The following CWF19L1 variants were observed in gnomAD, a reference collection of about 807,000 sequenced individuals.
CWF19L1 encodes CWF19 like cell cycle control factor 1.
In CWF19L1, 60 loss-of-function variants were observed where a neutral mutation model predicts 69.7. The ratio of observed to expected loss-of-function variants is 0.86; its 90% CI spans 0.70 to 1.07. The LOEUF (loss-of-function observed/expected upper bound fraction) is 1.07, where lower values mean the gene tolerates loss of function less well. Among genes scored for constraint, CWF19L1 ranks in the 50% least tolerant of loss-of-function variants. The pLI is 0.00. For missense variants in CWF19L1, 591 were observed against 638.9 expected, an observed-to-expected ratio of 0.92 and a Z score of 0.81; for synonymous variants, 209 against 222.2, an observed-to-expected ratio of 0.94 and a Z score of 0.53.
intron 10 of CWF19L1, among the ~76,000 whole-genome samples, chr10:100,240,635 A>C (rs1297712641): frequency 6.6e-6 from 1 of 152,186 alleles, no homozygotes; most frequent in African/African-American, 2.4e-5. Flanking sequence ...TAGAAAGATG[A>C]ATGGAAAAGA....
chr10:100,267,356 G>A, intron 1 of CWF19L1: 1 of 903,750 alleles, frequency 1.1e-6, no homozygotes, highest in Non-Finnish European at 1.3e-6. Context: ...CTCTCCGAAC[G>A]AGCGTCGCCA....
chr10:100,247,491 C>A (rs190122238), intron 7 of CWF19L1, among the ~76,000 whole-genome samples: 15 of 152,224 alleles, frequency 9.9e-5, no homozygotes, highest in Admixed American at 5.9e-4. Flanking sequence ...CCACAGATAT[C>A]GAAAACTTTA....
intron 6 of CWF19L1, among the ~76,000 whole-genome samples, chr10:100,252,279 C>T (rs34852548): frequency 0.063 from 9,611 of 152,034 alleles, 350 homozygotes; most frequent in African/African-American, 0.098. Flanking sequence ...ACTAAAAATA[C>T]AAAGAATTAG....
chr10:100,236,968 A>T lies in CWF19L1; in HGVS notation c.1256T>A (p.Val419Asp). 1.3e-6 allele frequency: 2 copies of T among 1,580,492 alleles called. No homozygotes were observed. The highest frequency in any genetic ancestry group is 1.7e-6 in the Non-Finnish European group (2 of 1,164,240). Residue 419 changes from valine (V) to aspartate (D), a missense_variant and splice_region_variant, in exon 12 of 14, where the codon GTC (valine) becomes GAC (aspartate). This residue lies in a region of CWF19L1 where 458 missense variants were observed against 489.3 expected (regional missense o/e 0.94). Transcript: ENST00000354105. ...NYKSHHLQLQVIPVPISCSTT... is the reference protein window; with the variant it reads ...NYKSHHLQLQDIPVPISCSTT... ...AGAGCAGCTGATTGGGACAGGAATG[A>T]CCTGGGGGTTGGGGAGACAGGAGAA...
At chr10:100,255,927 C>A (rs1847197583) in intron 5 of CWF19L1, among the ~76,000 whole-genome samples, 1 of 150,464 alleles carries the variant, frequency 6.6e-6, no homozygotes, top group Non-Finnish European at 1.5e-5. Flanking sequence ...GAGACTCCAT[C>A]TCAAAAAAAA....
At chr10:100,245,653 T>C in intron 9 of CWF19L1, 146 bp downstream of exon 9, 3 of 623,468 alleles carry the variant, frequency 4.8e-6, no homozygotes, top group South Asian at 4.1e-5. Flanking sequence ...GCCATGTTTA[T>C]ATTTTATTTT....
intron 4 of CWF19L1, among the ~76,000 whole-genome samples, chr10:100,256,680 C>G (rs560987872): frequency 6.6e-6 from 1 of 152,250 alleles, no homozygotes; most frequent in South Asian, 2.1e-4. Flanking sequence ...ATATGAACAG[C>G]CCTACGTGGA....
At chr10:100,261,944 G>T in intron 2 of CWF19L1, 35 bp downstream of exon 2, 1 of 1,556,388 alleles carries the variant, frequency 6.4e-7, no homozygotes, top group South Asian at 1.2e-5. Flanking sequence ...TGACTACAAA[G>T]GTAAAATTAA....
At chr10:100,239,311 T>A (rs1055269920) in intron 10 of CWF19L1, among the ~76,000 whole-genome samples, 3 of 152,146 alleles carry the variant, frequency 2.0e-5, no homozygotes, top group African/African-American at 4.8e-5. Context: ...AAGGGCCCAA[T>A]GAGTACCAGT....
intron 11 of CWF19L1, among the ~76,000 whole-genome samples, chr10:100,237,557 C>T (rs746975914): frequency 1.1e-4 from 16 of 152,092 alleles, no homozygotes; most frequent in Non-Finnish European, 1.5e-5. Context: ...CTGGGGTTAC[C>T]ACCAGATACT....
chr10:100,266,693 T>G (rs1270184862), intron 1 of CWF19L1, among the ~76,000 whole-genome samples: 17 of 149,916 alleles, frequency 1.1e-4, no homozygotes, highest in South Asian at 8.5e-4. Flanking sequence ...TTTTTTTTTT[T>G]TGTATTAGTA....
chr10:100,253,665 C>A (rs772883693), intron 5 of CWF19L1, 126 bp from the exon 6 acceptor site: 1 of 596,104 alleles, frequency 1.7e-6, no homozygotes, highest in East Asian at 2.8e-5. Flanking sequence ...GAAGGAACTG[C>A]ACATTGAATT....
intron 10 of CWF19L1, among the ~76,000 whole-genome samples, chr10:100,242,576 A>G (rs1172667568): frequency 1.3e-5 from 2 of 151,958 alleles, no homozygotes; most frequent in Admixed American, 6.6e-5. Context: ...TGGGAAGCTT[A>G]GGCAGGAGAA....
rs186552091 is a variant in CWF19L1 at position 100,234,598 on chromosome 10, C to T, written c.1472+1069G>A. 1.5e-4 allele frequency among the ~76,000 whole-genome samples: 23 copies of T among 152,260 alleles called. No homozygotes were observed. The East Asian group carries it at 4.4e-3, about 29-fold the overall frequency. ...AGACAACTACATTTACTGGACTTAT[C>T]TAAGGGGGCAATCTCTTGGAGGCTT... On this transcript the variant is annotated intron_variant, in intron 13 of 13. Coordinates refer to ENST00000354105, the MANE Select transcript of CWF19L1 (RefSeq NM_018294.6).
rs561521684 is a variant in CWF19L1, at chr10:100,245,829, A to G, written c.934T>C (p.Ser312Pro). 7 of 1,613,982 alleles carry G rather than the reference A, an allele frequency of 4.3e-6. No individual in the cohort carries two copies. The East Asian group carries it at 1.6e-4, about 36-fold the overall frequency. The change falls in exon 9 of 14, where the codon TCT becomes CCT. Residue 312 changes from serine to proline, a missense_variant. Physicochemically the swap from Ser to Pro is moderately conservative, Grantham distance 74 (BLOSUM62 -1). This residue lies in a region of CWF19L1 where 458 missense variants were observed against 489.3 expected (regional missense o/e 0.94). Coordinates refer to ENST00000354105, the MANE Select transcript of CWF19L1 (RefSeq NM_018294.6). Reference sequence around the variant, plus strand: ...TTGCGAGGCTGCTTTGGATGAGGAGAAGATTTGCTATCTCTACCTGTGGAT... The same window carrying G: ...TTGCGAGGCTGCTTTGGATGAGGAGGAGATTTGCTATCTCTACCTGTGGAT... Reference protein sequence around the residue: ...RSSTGRDSKSSPHPKQPRKPP... With the variant: ...RSSTGRDSKSPPHPKQPRKPP...
chr10:100,264,439 G>A (rs1847505248), intron 1 of CWF19L1, among the ~76,000 whole-genome samples: 1 of 152,014 alleles, frequency 6.6e-6, no homozygotes, highest in African/African-American at 2.4e-5. Flanking sequence ...CAGCTACTCA[G>A]GAGGCTGAGG....
rs1249931234 is a variant in CWF19L1, at chr10:100,245,729, T to C, written c.964+70A>G. 3.4e-6 allele frequency: 4 copies of C among 1,163,848 alleles called. No homozygotes were observed. The Admixed American group carries it at 7.2e-5, about 21-fold the overall frequency. The allele number at this position is 1,163,848 out of a possible 1,614,324, so 72.1% of individuals were successfully genotyped here. On this transcript the variant is annotated intron_variant, in intron 9 of 13. Coordinates refer to ENST00000354105, the MANE Select transcript of CWF19L1 (RefSeq NM_018294.6). ...CCAGAAGAGGCTCTCTTAGCAATGC[T>C]GCTTTCCAAAGAAAAGCCAAAATAA...
At chr10:100,235,542 A>C in intron 13 of CWF19L1, 125 bp downstream of exon 13, 1 of 635,778 alleles carries the variant, frequency 1.6e-6, no homozygotes, top group East Asian at 2.7e-5. Context: ...CATCTGCCCT[A>C]AGACCATGGG....
intron 7 of CWF19L1, among the ~76,000 whole-genome samples, chr10:100,249,459 A>G (rs960036832): frequency 4.2e-5 from 6 of 141,962 alleles, no homozygotes; most frequent in African/African-American, 6.2e-5. Flanking sequence ...AAAACAACCT[A>G]TTTTTCTGGT....
Sources: gnomAD v4.1 joint callset for allele counts (sites outside exome capture counted in the v4.1 genomes callset) on GRCh38, gnomAD v4.1.1 for gene constraint, gnomAD v4.1.1 regional missense constraint, MANE v1.5 for transcripts, NCBI Gene and HGNC (gene_info 2026-07-23, HGNC 2026-07-21) for gene names.